The following RPA3 variants were observed in gnomAD, a reference collection of about 807,000 sequenced individuals.
The protein encoded by RPA3 is replication protein A3, also known as replication protein A 14 kDa subunit.
RPA3 carries 24 observed loss-of-function variants against 13.7 expected under a neutral mutation model. The observed-to-expected ratio is 1.75, with a 90% CI of 1.27 to 2.46. The LOEUF is 2.46. RPA3 is among the 30% of genes most tolerant of loss of function. The probability of loss-of-function intolerance (pLI) is 0.00; values close to 1 mark genes in which losing one functional copy is unlikely to be tolerated. For synonymous variants in RPA3, 59 were observed against 51.2 expected (o/e 1.15, Z -0.65); for missense variants, 183 against 151.0 (o/e 1.21, Z -1.11).
intron 4 of RPA3, among the ~76,000 whole-genome samples, chr7:7,666,948 C>T (rs1467757851): frequency 1.3e-5 from 2 of 152,164 alleles, no homozygotes; most frequent in Admixed American, 6.5e-5. Flanking sequence ...GCTGGGATTG[C>T]AGGCGTGCGC....
At chr7:7,639,540 T>G (rs553810260) in intron 5 of RPA3, among the ~76,000 whole-genome samples, 1 of 152,296 alleles carries the variant, frequency 6.6e-6, no homozygotes, top group African/African-American at 2.4e-5. Context: ...GAGAACTGGT[T>G]GCTAGAATAT....
chr7:7,674,150 A>G (rs1563109091), intron 4 of RPA3, among the ~76,000 whole-genome samples: 1 of 152,102 alleles, frequency 6.6e-6, no homozygotes, highest in Non-Finnish European at 1.5e-5. Flanking sequence ...TGTGGTTCTC[A>G]TCCTTTTCCA....
At chr7:7,686,925 TATG>T (rs1780054825) in intron 3 of RPA3, among the ~76,000 whole-genome samples, 2 of 152,198 alleles carry the variant, frequency 1.3e-5, no homozygotes, top group South Asian at 4.1e-4. Context: ...GGAATGTGGA[TATG>T]ATGATTATGT....
chr7:7,707,322 C>T (rs1405433338), intron 2 of RPA3, among the ~76,000 whole-genome samples: 1 of 152,132 alleles, frequency 6.6e-6, no homozygotes, highest in African/African-American at 2.4e-5. Context: ...AAAATATCCT[C>T]TAGGTATCAA....
intron 2 of RPA3, among the ~76,000 whole-genome samples, chr7:7,692,915 G>A (rs554520916): frequency 6.6e-6 from 1 of 152,202 alleles, no homozygotes; most frequent in Non-Finnish European, 1.5e-5. Context: ...CCAAAATGTG[G>A]CTTTTAAAAT....
At chr7:7,714,754 A>C (rs1433040346) in intron 2 of RPA3, among the ~76,000 whole-genome samples, 1 of 152,168 alleles carries the variant, frequency 6.6e-6, no homozygotes, top group Non-Finnish European at 1.5e-5. Context: ...AAAGCAAGTA[A>C]CAGGTTGGAA....
intron 4 of RPA3, among the ~76,000 whole-genome samples, chr7:7,677,928 C>T (rs966860830): frequency 2.0e-5 from 3 of 151,888 alleles, no homozygotes; most frequent in Admixed American, 2.0e-4. Context: ...CCGCCTCGGC[C>T]TCCCAAAGTG....
chr7:7,646,206 G>A (rs573637844), intron 4 of RPA3, among the ~76,000 whole-genome samples: 4 of 152,260 alleles, frequency 2.6e-5, no homozygotes, highest in South Asian at 2.1e-4. Context: ...GTCTAGCATC[G>A]AGGAGGAATC....
intron 4 of RPA3, among the ~76,000 whole-genome samples, chr7:7,672,860 T>C (rs1403145444): frequency 6.6e-6 from 1 of 152,166 alleles, no homozygotes; most frequent in Non-Finnish European, 1.5e-5. Flanking sequence ...CAGTAGGGGA[T>C]GTTTGATGTG....
Position 7,700,105 on chromosome 7 carries a change from G to A in RPA3, c.-1027-12777C>T, listed in dbSNP as rs73352717. Among the ~76,000 whole-genome samples, 173 of 152,248 alleles carry A rather than the reference G, an allele frequency of 1.1e-3. 1 individual carries two copies. The highest frequency in any genetic ancestry group is 4.1e-3 in the African/African-American group (171 of 41,542). On this transcript the variant is annotated intron_variant, in intron 2 of 7. Coordinates refer to ENST00000223129, the MANE Select transcript of RPA3 (RefSeq NM_002947.5). ...CTTTAACAAAGTGTCATAGATTGGT[G>A]GCTTGTAAACAATAGAAATGTATTT...
At chr7:7,649,105 C>T (rs1205765342) in intron 4 of RPA3, among the ~76,000 whole-genome samples, 1 of 139,964 alleles carries the variant, frequency 7.1e-6, no homozygotes, top group Non-Finnish European at 1.5e-5. Context: ...TTGCAGTAAG[C>T]CAAGATTGTG....
chr7:7,705,422 A>G (rs1041224196), intron 2 of RPA3, among the ~76,000 whole-genome samples: 7 of 152,188 alleles, frequency 4.6e-5, no homozygotes, highest in Non-Finnish European at 4.4e-5. Flanking sequence ...TAAAATAACT[A>G]TGTAGGTTTA....
chr7:7,646,351 A>C (rs1486582781), intron 4 of RPA3, among the ~76,000 whole-genome samples: 1 of 151,892 alleles, frequency 6.6e-6, no homozygotes, highest in East Asian at 1.9e-4. Context: ...CATAATTCCC[A>C]TGTGTTGTGG....
chr7:7,667,942 A>G (rs527664423), intron 4 of RPA3, among the ~76,000 whole-genome samples: 2 of 151,922 alleles, frequency 1.3e-5, no homozygotes, highest in Non-Finnish European at 2.9e-5. Context: ...TTTTTTGTTC[A>G]TTTAACACAG....
At chr7:7,668,024 C>T (rs1410871125) in intron 4 of RPA3, among the ~76,000 whole-genome samples, 1 of 152,094 alleles carries the variant, frequency 6.6e-6, no homozygotes, top group Non-Finnish European at 1.5e-5. Flanking sequence ...TCAAGCAGTC[C>T]TCCAACCTCA....
chr7:7,669,844 C>T (rs1433450382), intron 4 of RPA3, among the ~76,000 whole-genome samples: 1 of 152,178 alleles, frequency 6.6e-6, no homozygotes. Context: ...TTTCTATAGT[C>T]TCTGCCTCCT....
intron 4 of RPA3, among the ~76,000 whole-genome samples, chr7:7,647,795 G>C (rs2115547066): frequency 6.6e-6 from 1 of 152,192 alleles, no homozygotes; most frequent in African/African-American, 2.4e-5. Context: ...TGTAGAGACG[G>C]GTTCTTTCTT....
chr7:7,661,777 A>G (rs532801558), intron 4 of RPA3, among the ~76,000 whole-genome samples: 2 of 152,274 alleles, frequency 1.3e-5, no homozygotes, highest in South Asian at 2.1e-4. Context: ...GTCAGGAGAC[A>G]TGGGTGTCAG....
chr7:7,656,312 A>C (rs1465890721), intron 4 of RPA3, among the ~76,000 whole-genome samples: 1 of 152,016 alleles, frequency 6.6e-6, no homozygotes, highest in African/African-American at 2.4e-5. Flanking sequence ...GTATTTAAAA[A>C]AATTTTTTTT....
Sources: gnomAD v4.1 joint callset for allele counts (sites outside exome capture counted in the v4.1 genomes callset) on GRCh38, gnomAD v4.1.1 for gene constraint, MANE v1.5 for transcripts, NCBI Gene and HGNC (gene_info 2026-07-23, HGNC 2026-07-21) for gene names.